TRIM66: variants seen among roughly 807,000 people sequenced by gnomAD.
TRIM66 encodes the protein tripartite motif containing 66.
A neutral mutation model predicts 148.2 loss-of-function variants in TRIM66; 99 were observed. The observed-to-expected ratio is 0.67, with a 90% confidence interval of 0.57 to 0.79. The LOEUF is 0.79. Among genes scored for constraint, TRIM66 ranks in the 30% least tolerant of loss-of-function variants. The pLI is 0.00. For synonymous variants in TRIM66, 616 were observed against 635.9 expected, an observed-to-expected ratio of 0.97 and a Z score of 0.47; for missense variants, 1,666 against 1,697.9, an observed-to-expected ratio of 0.98 and a Z score of 0.33.
chr11:8,629,478 G>A (rs2035187309), intron 15 of TRIM66, among the ~76,000 whole-genome samples: 1 of 152,132 alleles, frequency 6.6e-6, no homozygotes, highest in South Asian at 2.1e-4. Flanking sequence ...AATAATAATG[G>A]TCAGGTGCCA....
chr11:8,638,503 A>G (rs2036085935), intron 15 of TRIM66, 151 bp downstream of exon 15: 1 of 828,004 alleles, frequency 1.2e-6, no homozygotes, highest in East Asian at 3.1e-5. Context: ...TTGCTGACTC[A>G]CTACGGCAGA....
At position 8,643,107 on chromosome 11, in the gene TRIM66, C is replaced by T. The variant is rs368669472; in HGVS notation, c.1124G>A (p.Arg375Gln). 93 of 1,550,736 alleles carry T rather than the reference C, an allele frequency of 6.0e-5. No homozygotes were observed. In the South Asian group the frequency reaches 8.0e-4, roughly 13 times the overall value. ...SKELIVFQMQ[R>Q]LLETSCNTDP... ...TGTGTTACAACTTGTCTCCAGCAAT[C>T]GCTGCATCTGAAACACAATCTGACA... is the stretch of plus-strand genomic sequence containing the variant. Residue 375 changes from arginine to glutamine, a missense_variant, in exon 13 of 25, where the codon CGA becomes CAA. By Grantham distance (43) the Arg-to-Gln change is conservative. Around this residue, in one of 3 missense-constraint regions of TRIM66, gnomAD observed 1,431 missense variants for 1,412.4 expected, o/e 1.01. Coordinates refer to ENST00000646038, the MANE Select transcript of TRIM66 (RefSeq NM_001388022.1).
In TRIM66 at chr11:8,622,342, AC is replaced by A. The variant is rs377283581; in HGVS notation, c.3080+473del. 9.9e-4 allele frequency among the ~76,000 whole-genome samples: 40 copies of A among 40,360 alleles called. 1 individual carries two copies. The highest frequency in any genetic ancestry group is 1.2e-3 in the Non-Finnish European group (20 of 16,850). 26.5% of individuals were successfully genotyped at this position (40,360 alleles called of 152,430 possible). A position where few individuals can be genotyped will look rare whatever the true frequency, so the allele number is the denominator to read the frequency against. ...ATATGGAAGTACACACACACACAAC[AC>A]ACACACACACACACACACACACATA... On this transcript the variant is annotated intron_variant, in intron 18 of 24. Coordinates refer to ENST00000646038, the MANE Select transcript of TRIM66 (RefSeq NM_001388022.1).
intron 18 of TRIM66, among the ~76,000 whole-genome samples, chr11:8,622,378 A>ATATATATATATATATATATC (rs1565477353): frequency 1.6e-5 from 2 of 128,202 alleles, no homozygotes; most frequent in East Asian, 4.3e-4. Flanking sequence ...ATATATATAT[A>ATATATATATATATATATATC]TATATCTCCT....
chr11:8,676,773 T>C (rs1308526717), intron 3 of TRIM66, among the ~76,000 whole-genome samples: 1 of 152,160 alleles, frequency 6.6e-6, no homozygotes, highest in Admixed American at 6.5e-5. Context: ...TCCCCTGACC[T>C]AGAAGAGTGT....
intron 17 of TRIM66, among the ~76,000 whole-genome samples, chr11:8,623,439 G>A (rs1447743769): frequency 6.6e-6 from 1 of 152,220 alleles, no homozygotes; most frequent in East Asian, 1.9e-4. Flanking sequence ...CGCAAGCAGG[G>A]TCTAAAAAGT....
rs1346294223 is a variant in TRIM66 at position 8,625,247 on chromosome 11, G to A, written c.2311-19C>T. The A allele has an allele frequency of 2.7e-6, 4 of 1,476,822 alleles. No homozygotes were observed. Among genetic ancestry groups the A allele is most frequent in the Admixed American group, 4.6e-5 (2 of 43,448 alleles). The allele number at this position is 1,476,822 out of a possible 1,614,324, so 91.5% of individuals were successfully genotyped here. A position where few individuals can be genotyped will look rare whatever the true frequency, so the allele number is the denominator to read the frequency against. On this transcript the variant is annotated intron_variant, in intron 15 of 24. Coordinates refer to ENST00000646038, the MANE Select transcript of TRIM66 (RefSeq NM_001388022.1). Reference sequence around the variant, plus strand: ...TGGAGTGCTGCAGGAACAGAGACAAGGGGTAGAGTCAGGCTGCTAGCTGGG... The same window carrying A: ...TGGAGTGCTGCAGGAACAGAGACAAAGGGTAGAGTCAGGCTGCTAGCTGGG...
intron 3 of TRIM66, among the ~76,000 whole-genome samples, chr11:8,677,525 T>C (rs1028328848): frequency 6.6e-6 from 1 of 152,154 alleles, no homozygotes; most frequent in African/African-American, 2.4e-5. Context: ...ATGCCTGTAA[T>C]CCCAGTGCTT....
chr11:8,631,002 T>C (rs570264540), intron 15 of TRIM66, among the ~76,000 whole-genome samples: 2 of 152,316 alleles, frequency 1.3e-5, no homozygotes, highest in Non-Finnish European at 2.9e-5. Flanking sequence ...GATGTGTTTC[T>C]AGAGTTCAGT....
intron 15 of TRIM66, among the ~76,000 whole-genome samples, chr11:8,634,730 C>T (rs1230660398): frequency 1.3e-5 from 2 of 152,200 alleles, no homozygotes; most frequent in African/African-American, 4.8e-5. Context: ...AGAACTTTCA[C>T]ATCTCATTTT....
rs748018906 is a variant in TRIM66, at chr11:8,640,646, G to A, written c.1729C>T (p.Pro577Ser). 3.2e-6 allele frequency: 5 copies of A among 1,551,564 alleles called. No homozygotes were observed. The highest frequency in any genetic ancestry group is 4.4e-6 in the Non-Finnish European group (5 of 1,147,004). ...GAHAQPTLQT[P>S]SIQVQFGHHQ... ...TGGCCAAACTGGACTTGGATAGAGG[G>A]TGTCTGTAAGGTGGGCTGGGCATGG... The change falls in exon 14 of 25, where the codon CCC (proline) becomes TCC (serine). Residue 577 changes from proline to serine, a missense_variant. Coordinates refer to ENST00000646038, the MANE Select transcript of TRIM66 (RefSeq NM_001388022.1).
At chr11:8,631,392 C>G (rs772202052) in intron 15 of TRIM66, among the ~76,000 whole-genome samples, 1 of 152,160 alleles carries the variant, frequency 6.6e-6, no homozygotes, top group African/African-American at 2.4e-5. Flanking sequence ...TGAAACATAC[C>G]TCTTTCAATA....
rs1337550316 is a variant in TRIM66 at position 8,651,783 on chromosome 11, T to C, written c.444+17A>G. 6.5e-7 allele frequency: 1 copy of C among 1,548,146 alleles called. No homozygotes were observed. The highest frequency in any genetic ancestry group is 2.4e-5 in the East Asian group (1 of 40,906). Reference sequence around the variant, plus strand: ...TTCTGAAAAAGATCAGCTGCTTCTTTCCTTGTCCTGACTTACCCTGGCCAT... The same window carrying C: ...TTCTGAAAAAGATCAGCTGCTTCTTCCCTTGTCCTGACTTACCCTGGCCAT... On this transcript the variant is annotated intron_variant, in intron 7 of 24. Coordinates refer to ENST00000646038, the MANE Select transcript of TRIM66 (RefSeq NM_001388022.1).
At chr11:8,618,308 T>C (rs1277514602) in intron 24 of TRIM66, among the ~76,000 whole-genome samples, 1 of 152,250 alleles carries the variant, frequency 6.6e-6, no homozygotes. Flanking sequence ...GAGCTCTCTC[T>C]GCTGCAAGCA....
chr11:8,663,113 C>G (rs985764144), intron 6 of TRIM66: 4 of 152,248 alleles, frequency 2.6e-5, no homozygotes, highest in African/African-American at 9.6e-5. Context: ...CCACTGTATT[C>G]TCACCACACT....
At chr11:8,675,630 C>T (rs886731851) in intron 3 of TRIM66, among the ~76,000 whole-genome samples, 7 of 152,188 alleles carry the variant, frequency 4.6e-5, no homozygotes, top group African/African-American at 1.7e-4. Flanking sequence ...GATCCACCTG[C>T]CTTGGCCTCC....
intron 15 of TRIM66, among the ~76,000 whole-genome samples, chr11:8,634,265 A>AAGCAATTTG (rs1259106063): frequency 6.6e-6 from 1 of 152,218 alleles, no homozygotes; most frequent in African/African-American, 2.4e-5. Context: ...TCCCAGGCTC[A>AAGCAATTTG]AGCAATTCTC....
At chr11:8,666,037 C>T (rs2038568245) in intron 6 of TRIM66, among the ~76,000 whole-genome samples, 1 of 151,806 alleles carries the variant, frequency 6.6e-6, no homozygotes, top group African/African-American at 2.4e-5. Flanking sequence ...ACTGTAAGAC[C>T]TACTAAAGAA....
chr11:8,641,202 AC>A, intron 13 of TRIM66, 50 bp from the exon 14 acceptor site: 1 of 1,474,326 alleles, frequency 6.8e-7, no homozygotes, highest in East Asian at 2.5e-5. Flanking sequence ...AGTTGCTCCC[AC>A]CTTGCTACTT....
Sources: allele counts gnomAD v4.1 joint callset (sites outside exome capture counted in the v4.1 genomes callset), GRCh38; gene constraint gnomAD v4.1.1; regional missense constraint gnomAD v4.1.1; transcripts MANE v1.5; gene names NCBI Gene and HGNC (gene_info 2026-07-23, HGNC 2026-07-21).